The following SNX29 variants were observed in gnomAD, a reference collection of about 807,000 sequenced individuals.
SNX29 encodes sorting nexin 29, also known as sorting nexin-29.
A neutral mutation model predicts 102.1 loss-of-function variants in SNX29; 78 were observed. The ratio of observed to expected loss-of-function variants is 0.76; its 90% CI spans 0.64 to 0.92. The LOEUF is 0.92. Ranked by LOEUF, SNX29 falls within the 40% of genes least tolerant of loss-of-function variation. The probability of loss-of-function intolerance (pLI) is 0.00; values close to 1 mark genes in which losing one functional copy is unlikely to be tolerated. For missense variants in SNX29, 1,280 were observed against 1,061.7 expected, an observed-to-expected ratio of 1.21 and a Z score of -2.86; for synonymous variants, 580 against 414.5, an observed-to-expected ratio of 1.40 and a Z score of -4.85.
rs1270192928 is a variant in SNX29, at chr16:12,332,980, G to A, written c.1783-23183G>A. Among the ~76,000 whole-genome samples the A allele has an allele frequency of 2.6e-5, 4 of 152,244 alleles. No individual in the cohort carries two copies. In the East Asian group the frequency reaches 5.8e-4, roughly 22 times the overall value. On this transcript the variant is annotated intron_variant, in intron 15 of 20. Coordinates refer to ENST00000566228, the MANE Select transcript of SNX29 (RefSeq NM_032167.5). ...GTGTGCATGTACAGACGCTCCGCAG[G>A]CAGTATTTCAGAGGGGAGGAAATGG... is the stretch of plus-strand genomic sequence containing the variant.
rs572280392 is a variant in SNX29 at position 12,564,537 on chromosome 16, T to A, written c.2319-3969T>A. Among the ~76,000 whole-genome samples the A allele has an allele frequency of 9.2e-5, 14 of 152,280 alleles. 2 individuals carry two copies. The highest frequency in any genetic ancestry group is 3.4e-4 in the African/African-American group (14 of 41,562). On this transcript the variant is annotated intron_variant, in intron 20 of 20. Coordinates refer to ENST00000566228, the MANE Select transcript of SNX29 (RefSeq NM_032167.5). ...AAGTTTTCTGACTCTGAATATGGAG[T>A]TAAGGCCTTTGGCAACCCATTCTTA...
rs549533268 is a variant in SNX29, at chr16:12,434,886, G to A, written c.2037+31357G>A. Among the ~76,000 whole-genome samples the A allele has an allele frequency of 2.3e-4, 33 of 145,514 alleles. No homozygotes were observed. The South Asian group carries it at 6.6e-3, about 29-fold the overall frequency. Reference sequence around the variant, plus strand: ...TTTGTAACAGACGTTACAGACGTCTGTTACAAAGTATAAATTCAGCCTTCT... The same window carrying A: ...TTTGTAACAGACGTTACAGACGTCTATTACAAAGTATAAATTCAGCCTTCT... On this transcript the variant is annotated intron_variant, in intron 18 of 20. Coordinates refer to ENST00000566228, the MANE Select transcript of SNX29 (RefSeq NM_032167.5).
intron 16 of SNX29, among the ~76,000 whole-genome samples, chr16:12,386,386 C>G (rs1052626559): frequency 5.9e-5 from 9 of 152,210 alleles, no homozygotes; most frequent in Non-Finnish European, 1.0e-4. Context: ...TTACCATATT[C>G]TTTCCATGGA....
intron 14 of SNX29, among the ~76,000 whole-genome samples, chr16:12,225,135 A>G (rs1466581747): frequency 1.3e-5 from 2 of 152,192 alleles, no homozygotes; most frequent in Non-Finnish European, 2.9e-5. Flanking sequence ...ATTGATATTA[A>G]TAACAGTATC....
chr16:12,467,358 T>C (rs368951721), intron 18 of SNX29, among the ~76,000 whole-genome samples: 17 of 152,318 alleles, frequency 1.1e-4, no homozygotes, highest in African/African-American at 4.1e-4. Context: ...AGGGCGAAGA[T>C]CCATGCTCTC....
At position 12,477,752 on chromosome 16, in the gene SNX29, A is replaced by G. The variant is rs2087722032; in HGVS notation, c.2071A>G (p.Ile691Val). 1 of 1,613,042 alleles carries G rather than the reference A, an allele frequency of 6.2e-7. No homozygotes were observed. Among genetic ancestry groups the G allele is most frequent in the Non-Finnish European group, 8.5e-7 (1 of 1,179,646 alleles). The change falls in exon 19 of 21, where the codon ATT becomes GTT. Residue 691 changes from isoleucine to valine, a missense_variant. By Grantham distance (29) the Ile-to-Val change is conservative (BLOSUM62 3). Transcript: ENST00000566228. ...YIRIKDDEWNIYRRYTEFRSL... is the reference protein window; with the variant it reads ...YIRIKDDEWNVYRRYTEFRSL... ...CCGGATAAAAGACGATGAATGGAATATTTATCGCCGGTATACAGAGTTCAG... is the reference window on the plus strand; with the variant it reads ...CCGGATAAAAGACGATGAATGGAATGTTTATCGCCGGTATACAGAGTTCAG...
chr16:12,423,957 GA>G (rs1348782997), intron 18 of SNX29, among the ~76,000 whole-genome samples: 5 of 152,224 alleles, frequency 3.3e-5, no homozygotes, highest in African/African-American at 1.2e-4. Flanking sequence ...TGGTGTCGGG[GA>G]TAGTCCTGTT....
At chr16:12,513,266 T>C in intron 19 of SNX29, among the ~76,000 whole-genome samples, 1 of 143,878 alleles carries the variant, frequency 7.0e-6, no homozygotes, top group Non-Finnish European at 1.5e-5. Context: ...TCCCCTCCCC[T>C]TCCTAGTGCT....
chr16:12,295,462 A>T (rs898859286), intron 15 of SNX29, among the ~76,000 whole-genome samples: 2 of 152,152 alleles, frequency 1.3e-5, no homozygotes, highest in African/African-American at 4.8e-5. Flanking sequence ...CTTTGTGGCT[A>T]ATTTTTTCCC....
At chr16:12,129,106 G>T (rs1013504003) in intron 12 of SNX29, among the ~76,000 whole-genome samples, 1 of 152,180 alleles carries the variant, frequency 6.6e-6, no homozygotes, top group African/African-American at 2.4e-5. Flanking sequence ...CCTGAAGTTG[G>T]CAATGAAACA....
rs7204381 is a variant in SNX29 at position 12,476,419 on chromosome 16, T to C, written c.2038-1300T>C. 9.5e-3 allele frequency among the ~76,000 whole-genome samples: 390 copies of C among 41,144 alleles called. 5 individuals carry two copies. The highest frequency in any genetic ancestry group is 0.052 in the Middle Eastern group (3 of 58). 27.0% of individuals were successfully genotyped at this position (41,144 alleles called of 152,430 possible). A position where few individuals can be genotyped will look rare whatever the true frequency, so the allele number is the denominator to read the frequency against. On this transcript the variant is annotated intron_variant, in intron 18 of 20. Coordinates refer to ENST00000566228, the MANE Select transcript of SNX29 (RefSeq NM_032167.5). ...ATATATATATATATATATACATATA[T>C]ATATATATATATATATATATATATG...
At chr16:12,396,903 T>A (rs867676905) in intron 16 of SNX29, among the ~76,000 whole-genome samples, 2 of 152,210 alleles carry the variant, frequency 1.3e-5, no homozygotes, top group Non-Finnish European at 2.9e-5. Context: ...ATACAAATTC[T>A]CTTAACTTTC....
At chr16:12,469,561 T>C (rs913167577) in intron 18 of SNX29, among the ~76,000 whole-genome samples, 1 of 152,166 alleles carries the variant, frequency 6.6e-6, no homozygotes, top group African/African-American at 2.4e-5. Context: ...TTTTAAGGAG[T>C]TGATAACACT....
chr16:12,567,294 C>G (rs576627029), intron 20 of SNX29, among the ~76,000 whole-genome samples: 3 of 150,808 alleles, frequency 2.0e-5, no homozygotes, highest in East Asian at 3.9e-4. Flanking sequence ...TTACATCCAG[C>G]AAGCCACAGC....
At chr16:12,094,845 C>A (rs1436069215) in intron 11 of SNX29, among the ~76,000 whole-genome samples, 1 of 152,008 alleles carries the variant, frequency 6.6e-6, no homozygotes, top group African/African-American at 2.4e-5. Flanking sequence ...TTCCAGGAAC[C>A]GTATTTTGTC....
At chr16:12,099,923 G>A (rs1336151653) in intron 11 of SNX29, among the ~76,000 whole-genome samples, 1 of 152,120 alleles carries the variant, frequency 6.6e-6, no homozygotes, top group African/African-American at 2.4e-5. Context: ...CGGGATGATG[G>A]TACTTGATCA....
chr16:12,238,571 G>A (rs190751433), intron 14 of SNX29, among the ~76,000 whole-genome samples: 92 of 152,314 alleles, frequency 6.0e-4, no homozygotes, highest in Non-Finnish European at 1.2e-3. Flanking sequence ...TGATCCGCCC[G>A]CCTTGGCCTC....
chr16:12,355,733 C>G (rs930562645), intron 15 of SNX29, among the ~76,000 whole-genome samples: 2 of 151,446 alleles, frequency 1.3e-5, no homozygotes, highest in Non-Finnish European at 2.9e-5. Flanking sequence ...TACAGCTGGC[C>G]CAAATGGGTT....
intron 1 of SNX29, among the ~76,000 whole-genome samples, chr16:11,985,438 A>C (rs2055577074): frequency 1.3e-5 from 2 of 152,194 alleles, no homozygotes; most frequent in African/African-American, 2.4e-5. Flanking sequence ...GTAATGGAAA[A>C]GTCTAGACAT....
Sources: allele counts gnomAD v4.1 joint callset (sites outside exome capture counted in the v4.1 genomes callset), GRCh38; gene constraint gnomAD v4.1.1; transcripts MANE v1.5; gene names NCBI Gene and HGNC (gene_info 2026-07-23, HGNC 2026-07-21).